Variants in PCDHA3 observed in about 807,000 individuals in gnomAD.
PCDHA3 encodes the protein protocadherin alpha-3.
A neutral mutation model predicts 62.2 loss-of-function variants in PCDHA3; 41 were observed. That is an observed-to-expected ratio of 0.66 (90% CI 0.51 to 0.86). The LOEUF (loss-of-function observed/expected upper bound fraction) is 0.86, where lower values mean the gene tolerates loss of function less well. Ranked by LOEUF, PCDHA3 falls within the 40% of genes least tolerant of loss-of-function variation. The pLI is 0.00. For synonymous variants in PCDHA3, 640 were observed against 555.4 expected, an observed-to-expected ratio of 1.15 and a Z score of -2.14; for missense variants, 1,304 against 1,241.2, an observed-to-expected ratio of 1.05 and a Z score of -0.76.
intron 1 of PCDHA3, among the ~76,000 whole-genome samples, chr5:140,891,620 C>T (rs1194351903): frequency 6.6e-6 from 1 of 152,122 alleles, no homozygotes; most frequent in African/African-American, 2.4e-5. Flanking sequence ...TTTATTTTAA[C>T]ACCTTTTGCT....
intron 1 of PCDHA3, among the ~76,000 whole-genome samples, chr5:140,902,760 T>G (rs887357298): frequency 1.4e-4 from 22 of 152,038 alleles, no homozygotes; most frequent in African/African-American, 5.3e-4. Context: ...ATCATTCTTA[T>G]GTCTTTGCAT....
rs150074715 is a variant in PCDHA3, at chr5:140,835,873, T to G, written c.2394+32282T>G. The G allele has an allele frequency of 6.4e-4, 1,037 of 1,611,964 alleles. 10 individuals carry two copies. Among genetic ancestry groups the G allele is most frequent in the Admixed American group, 1.9e-3 (111 of 59,998 alleles). On this transcript the variant is annotated intron_variant, in intron 1 of 3. Transcript: ENST00000522353. Reference sequence around the variant, plus strand: ...CTGGTGTCCTACTCGCTGGTGGAGCTGCGGGTGGGCGAGCGCGCGCTGTCG... The same window carrying G: ...CTGGTGTCCTACTCGCTGGTGGAGCGGCGGGTGGGCGAGCGCGCGCTGTCG...
At chr5:140,871,593 A>G in intron 1 of PCDHA3, 3 of 1,458,668 alleles carry the variant, frequency 2.1e-6, no homozygotes, top group South Asian at 1.5e-5. Context: ...TTTTATGAAT[A>G]ACCAGTGTTT....
intron 1 of PCDHA3, chr5:140,882,003 G>C: frequency 2.0e-6 from 1 of 492,180 alleles, no homozygotes; most frequent in Non-Finnish European, 3.4e-6. Flanking sequence ...AATGCAAGGG[G>C]CAAAAAAATA....
chr5:140,953,873 A>G (rs537538688), intron 1 of PCDHA3, among the ~76,000 whole-genome samples: 53 of 152,258 alleles, frequency 3.5e-4, no homozygotes, highest in African/African-American at 1.3e-3. Context: ...TGCTGCACAG[A>G]TCAACCCATC....
intron 1 of PCDHA3, chr5:140,856,365 A>C: frequency 3.1e-6 from 5 of 1,598,426 alleles, no homozygotes; most frequent in Non-Finnish European, 2.6e-6. Flanking sequence ...ATCCACCTGG[A>C]GGTGATCGTG....
Position 140,803,498 on chromosome 5 carries a change from C to A in PCDHA3, c.2301C>A (p.Thr767=), listed in dbSNP as rs1390487927. The A allele has an allele frequency of 1.2e-6, 2 of 1,614,076 alleles. No individual in the cohort carries two copies. Among genetic ancestry groups the A allele is most frequent in the Admixed American group, 3.3e-5 (2 of 60,008 alleles). Residue 767 remains threonine (T), a synonymous_variant, in exon 1 of 4, where the codon ACC becomes ACA. Coordinates refer to ENST00000522353, the MANE Select transcript of PCDHA3 (RefSeq NM_018906.3). The part of the protein sequence containing the change: ...RVCSGEGLPK[T]DLMAFSPSLP... The stretch of plus-strand genomic sequence containing the variant: ...GCTCTGGAGAGGGGTTGCCCAAGAC[C>A]GACCTCATGGCTTTTAGCCCTAGCC...
intron 1 of PCDHA3, among the ~76,000 whole-genome samples, chr5:140,935,799 A>T (rs1423027036): frequency 1.3e-5 from 2 of 151,978 alleles, no homozygotes; most frequent in African/African-American, 4.8e-5. Flanking sequence ...TATAAACGAG[A>T]TTATTTCATA....
chr5:140,862,315 C>T, intron 1 of PCDHA3: 1 of 317,364 alleles, frequency 3.2e-6, no homozygotes, highest in Non-Finnish European at 6.2e-6. Context: ...CCGTCATAGC[C>T]CTAATCAGTG....
At chr5:140,913,299 T>A (rs2076283233) in intron 1 of PCDHA3, among the ~76,000 whole-genome samples, 1 of 152,196 alleles carries the variant, frequency 6.6e-6, no homozygotes, top group South Asian at 2.1e-4. Context: ...AATTTCTTCA[T>A]AGATCAACCT....
At chr5:140,884,169 C>CG (rs2153400955) in intron 1 of PCDHA3, 1 of 1,613,426 alleles carries the variant, frequency 6.2e-7, no homozygotes, top group East Asian at 2.2e-5. Context: ...ATCAGCACGA[C>CG]GCGCCCTCTG....
At chr5:140,883,470 A>T in intron 1 of PCDHA3, 3 of 1,614,126 alleles carry the variant, frequency 1.9e-6, no homozygotes, top group Non-Finnish European at 1.7e-6. Context: ...GTGTCCACCT[A>T]CAAGAACTAC....
chr5:140,896,053 C>T (rs371706160), intron 1 of PCDHA3, among the ~76,000 whole-genome samples: 8 of 152,164 alleles, frequency 5.3e-5, no homozygotes, highest in Non-Finnish European at 1.2e-4. Context: ...TCAGGTGATC[C>T]GCCTGCCTCG....
At chr5:140,894,652 A>G (rs578187402) in intron 1 of PCDHA3, among the ~76,000 whole-genome samples, 234 of 151,944 alleles carry the variant, frequency 1.5e-3, no homozygotes, top group African/African-American at 4.9e-3. Flanking sequence ...GAGTCTCTCT[A>G]ATTCTGATTT....
intron 1 of PCDHA3, chr5:140,882,310 A>G (rs2059059274): frequency 6.2e-7 from 1 of 1,613,930 alleles, no homozygotes; most frequent in Non-Finnish European, 8.5e-7. Context: ...CGCGGCAACT[A>G]CTGCTCTGGC....
Position 140,842,918 on chromosome 5 carries a change from T to C in PCDHA3, c.2394+39327T>C. On this transcript the variant is annotated intron_variant, in intron 1 of 3. Coordinates refer to ENST00000522353, the MANE Select transcript of PCDHA3 (RefSeq NM_018906.3). Reference sequence around the variant, plus strand: ...CCACGAGGAGCTAGAGCTGCTGCAGTTCCAGGTGAGCGCGCGCGACGCGGG... The same window carrying C: ...CCACGAGGAGCTAGAGCTGCTGCAGCTCCAGGTGAGCGCGCGCGACGCGGG... The C allele has an allele frequency of 3.8e-6, 6 of 1,594,574 alleles. 1 individual carries two copies. The highest frequency in any genetic ancestry group is 5.1e-6 in the Non-Finnish European group (6 of 1,165,450).
intron 1 of PCDHA3, among the ~76,000 whole-genome samples, chr5:140,821,381 C>A (rs1364273553): frequency 6.6e-6 from 1 of 151,994 alleles, no homozygotes; most frequent in Non-Finnish European, 1.5e-5. Flanking sequence ...ATTTTAATGA[C>A]GCACTTATAT....
At chr5:140,926,942 C>CT in intron 1 of PCDHA3, 1 of 1,585,854 alleles carries the variant, frequency 6.3e-7, no homozygotes, top group Non-Finnish European at 8.6e-7. Flanking sequence ...TCCTGCGGCG[C>CT]TGCAGCGGGA....
intron 1 of PCDHA3, chr5:140,856,749 C>A (rs146132566): frequency 1.3e-6 from 2 of 1,595,860 alleles, no homozygotes; most frequent in East Asian, 2.2e-5. Context: ...GTGTTAGATG[C>A]CAATGATAAC....
Sources: allele counts gnomAD v4.1 joint callset (sites outside exome capture counted in the v4.1 genomes callset), GRCh38; gene constraint gnomAD v4.1.1; transcripts MANE v1.5; gene names NCBI Gene and HGNC (gene_info 2026-07-23, HGNC 2026-07-21).